The following PLEKHH2 variants were observed in gnomAD, a reference collection of about 807,000 sequenced individuals.
The protein encoded by PLEKHH2 is pleckstrin homology, MyTH4 and FERM domain containing H2, also known as pleckstrin homology domain-containing family H member 2.
Under a neutral mutation model 187.9 loss-of-function variants are expected in PLEKHH2, and 129 were observed. The ratio of observed to expected loss-of-function variants is 0.69; its 90% CI spans 0.59 to 0.79. PLEKHH2 has a LOEUF of 0.79. Among genes scored for constraint, PLEKHH2 ranks in the 30% least tolerant of loss-of-function variants. The pLI is 0.00. For missense variants in PLEKHH2, 2,076 were observed against 1,751.2 expected, an observed-to-expected ratio of 1.19 and a Z score of -3.31; for synonymous variants, 686 against 605.6, an observed-to-expected ratio of 1.13 and a Z score of -1.95.
chr2:43,740,342 C>G (rs1671505157), intron 20 of PLEKHH2, among the ~76,000 whole-genome samples: 1 of 152,076 alleles, frequency 6.6e-6, no homozygotes, highest in African/African-American at 2.4e-5. Context: ...AGTGGTTGAG[C>G]ATTAACCACC....
intron 11 of PLEKHH2, among the ~76,000 whole-genome samples, chr2:43,708,301 G>A (rs1224095343): frequency 1.3e-5 from 2 of 152,124 alleles, no homozygotes; most frequent in African/African-American, 2.4e-5. Context: ...TCCAGGATTC[G>A]GTCACGTACT....
At chr2:43,707,628 T>C in intron 11 of PLEKHH2, 83 bp downstream of exon 11, 1 of 1,506,360 alleles carries the variant, frequency 6.6e-7, no homozygotes, top group Non-Finnish European at 9.0e-7. Context: ...TACAGGATTA[T>C]TTTTTAAATC....
chr2:43,760,810 CCCTGGCAACTG>C (rs771668993), intron 27 of PLEKHH2, among the ~76,000 whole-genome samples: 6 of 152,242 alleles, frequency 3.9e-5, no homozygotes, highest in South Asian at 2.1e-4. Context: ...CTCCTCCCAG[CCCTGGCAACTG>C]CCACTCTACT....
chr2:43,728,642 A>G (rs1670895240), intron 17 of PLEKHH2, among the ~76,000 whole-genome samples: 1 of 147,570 alleles, frequency 6.8e-6, no homozygotes, highest in Admixed American at 6.8e-5. Flanking sequence ...GCTCACTGCA[A>G]CCTCCGCCTC....
chr2:43,637,738 C>A (rs1481330992), intron 1 of PLEKHH2, among the ~76,000 whole-genome samples: 1 of 152,178 alleles, frequency 6.6e-6, no homozygotes, highest in Non-Finnish European at 1.5e-5. Context: ...AGCCCAGGGT[C>A]CCCGAGCCGA....
intron 15 of PLEKHH2, among the ~76,000 whole-genome samples, chr2:43,713,419 G>A (rs922377542): frequency 6.6e-6 from 1 of 151,964 alleles, no homozygotes; most frequent in Non-Finnish European, 1.5e-5. Context: ...ATTAGATGTA[G>A]GGTAAGGTAT....
At chr2:43,755,519 AT>A (rs1449303938) in intron 25 of PLEKHH2, among the ~76,000 whole-genome samples, 1 of 151,924 alleles carries the variant, frequency 6.6e-6, no homozygotes, top group Non-Finnish European at 1.5e-5. Flanking sequence ...TGCTAGAGGG[AT>A]TTTTTCCACT....
At chr2:43,762,186 A>G (rs1425937043) in intron 27 of PLEKHH2, 118 bp from the exon 28 acceptor site, 5 of 748,738 alleles carry the variant, frequency 6.7e-6, no homozygotes, top group African/African-American at 3.5e-5. Flanking sequence ...GATTTTTAAT[A>G]AATTTTTGTT....
chr2:43,680,438 A>G (rs530996356), intron 3 of PLEKHH2: 1 of 155,976 alleles, frequency 6.4e-6, no homozygotes, highest in East Asian at 1.9e-4. Flanking sequence ...AAGAAAAAAA[A>G]GGCTTAAATA....
At chr2:43,760,067 T>G (rs1672363222) in intron 27 of PLEKHH2, among the ~76,000 whole-genome samples, 1 of 152,158 alleles carries the variant, frequency 6.6e-6, no homozygotes, top group African/African-American at 2.4e-5. Context: ...TTACGGGAAG[T>G]TGAACGTTAC....
chr2:43,679,427 A>G, intron 3 of PLEKHH2: 2 of 303,008 alleles, frequency 6.6e-6, no homozygotes, highest in East Asian at 1.3e-4. Context: ...GGCTGAGAGG[A>G]AACACCCCAA....
chr2:43,724,783 T>A (rs919694), intron 16 of PLEKHH2, among the ~76,000 whole-genome samples: 91,489 of 152,074 alleles, frequency 0.6, 28,773 homozygotes, highest in African/African-American at 0.76. Flanking sequence ...AATAACTTAA[T>A]CAAATTGCTG....
At chr2:43,705,282 G>A (rs959766377) in intron 9 of PLEKHH2, among the ~76,000 whole-genome samples, 3 of 124,902 alleles carry the variant, frequency 2.4e-5, no homozygotes, top group Non-Finnish European at 4.8e-5. Context: ...TTGAGGCAGC[G>A]TCTTACTCTG....
At chr2:43,694,600 AAAAC>A in intron 5 of PLEKHH2, 86 bp downstream of exon 5, 1 of 1,364,116 alleles carries the variant, frequency 7.3e-7, no homozygotes, top group South Asian at 1.6e-5. Context: ...TACTCTGAGT[AAAAC>A]AAAGAATTTT....
At chr2:43,694,213 G>T (rs1056908746) in intron 4 of PLEKHH2, among the ~76,000 whole-genome samples, 2 of 152,300 alleles carry the variant, frequency 1.3e-5, no homozygotes, top group Admixed American at 1.3e-4. Flanking sequence ...AAAGAGAATA[G>T]CGGTTGTTAA....
chr2:43,743,417 T>C (rs994454722), intron 22 of PLEKHH2, among the ~76,000 whole-genome samples: 37 of 152,226 alleles, frequency 2.4e-4, no homozygotes, highest in African/African-American at 8.9e-4. Flanking sequence ...AGAATTCAGA[T>C]ACTTAACTGC....
intron 16 of PLEKHH2, 86 bp from the exon 17 acceptor site, chr2:43,726,186 A>G: frequency 1.1e-6 from 1 of 950,306 alleles, no homozygotes; most frequent in Non-Finnish European, 1.5e-6. Flanking sequence ...TGCTTTATAA[A>G]TTTAAAAATG....
intron 3 of PLEKHH2, among the ~76,000 whole-genome samples, chr2:43,680,077 A>G (rs1668090438): frequency 6.6e-6 from 1 of 152,218 alleles, no homozygotes; most frequent in Admixed American, 6.5e-5. Context: ...ACCCAGCCTT[A>G]AAGTTTAATG....
intron 1 of PLEKHH2, among the ~76,000 whole-genome samples, chr2:43,639,419 T>G (rs1027721256): frequency 7.9e-5 from 12 of 152,198 alleles, no homozygotes; most frequent in African/African-American, 2.9e-4. Flanking sequence ...TTGTAGTCAG[T>G]ATCTGCTACC....
Sources: gnomAD v4.1 joint callset for allele counts (sites outside exome capture counted in the v4.1 genomes callset) on GRCh38, gnomAD v4.1.1 for gene constraint, MANE v1.5 for transcripts, NCBI Gene and HGNC (gene_info 2026-07-23, HGNC 2026-07-21) for gene names.